RBFOX2: variants seen among roughly 807,000 people sequenced by gnomAD.
RBFOX2 encodes the protein RNA binding fox-1 homolog 2.
A neutral mutation model predicts 49.1 loss-of-function variants in RBFOX2; 10 were observed. The observed-to-expected ratio is 0.20, with a 90% CI of 0.13 to 0.35. The LOEUF is 0.35. Ranked by LOEUF, RBFOX2 falls within the 10% of genes least tolerant of loss-of-function variation. The pLI is 1.00. For synonymous variants in RBFOX2, 183 were observed against 187.4 expected, an observed-to-expected ratio of 0.98 and a Z score of 0.19; for missense variants, 323 against 486.9, an observed-to-expected ratio of 0.66 and a Z score of 3.17.
chr22:35,826,952 T>C (rs1436776953), intron 1 of RBFOX2, among the ~76,000 whole-genome samples: 2 of 152,206 alleles, frequency 1.3e-5, no homozygotes, highest in East Asian at 1.9e-4. Flanking sequence ...ATTGAAACCA[T>C]GAAAAGGGAC....
At chr22:35,813,510 C>T (rs1234602668) in intron 1 of RBFOX2, among the ~76,000 whole-genome samples, 1 of 152,154 alleles carries the variant, frequency 6.6e-6, no homozygotes, top group East Asian at 1.9e-4. Context: ...AGCTCTTTTC[C>T]CTAACCTAGC....
upstream of RBFOX2, among the ~76,000 whole-genome samples, chr22:35,966,024 C>T (rs1185881117): frequency 6.6e-6 from 1 of 152,082 alleles, no homozygotes; most frequent in East Asian, 1.9e-4. Flanking sequence ...ACTACAGAAG[C>T]CCATCCTGTG....
chr22:35,809,870 G>A lies in RBFOX2; in HGVS notation c.162C>T (p.Thr54=), dbSNP rs369936255. Residue 54 remains threonine, a synonymous_variant, in exon 2 of 12, where the codon ACC becomes ACT. Transcript: ENST00000405409. ...CGTAGAGTGTCAGGTTATGCTCACC[G>A]GTCTGGCCGGCATAGTCTTGAGTGT... 2.8e-5 allele frequency: 45 copies of A among 1,613,928 alleles called. No homozygotes were observed. The highest frequency in any genetic ancestry group is 9.3e-5 in the African/African-American group (7 of 74,890).
At chr22:35,761,115 T>C (rs533867642) in intron 8 of RBFOX2, 87 bp downstream of exon 9, 3 of 1,132,884 alleles carry the variant, frequency 2.6e-6, no homozygotes, top group African/African-American at 1.6e-5. Context: ...ATTTCAGTTA[T>C]GTACTGTACT....
chr22:36,027,548 G>A (rs1254239599), intron 1 of RBFOX2, among the ~76,000 whole-genome samples: 1 of 152,120 alleles, frequency 6.6e-6, no homozygotes, highest in Non-Finnish European at 1.5e-5. Flanking sequence ...ACATTAAAGA[G>A]CTATTTTGTG....
At chr22:35,934,130 A>G (rs960575676) in intron 1 of RBFOX2, among the ~76,000 whole-genome samples, 3 of 151,514 alleles carry the variant, frequency 2.0e-5, no homozygotes, top group Admixed American at 2.0e-4. Context: ...GTTTCACCCA[A>G]ATTGCTCTGA....
intron 1 of RBFOX2, among the ~76,000 whole-genome samples, chr22:35,891,621 G>A (rs1273790331): frequency 6.6e-6 from 1 of 152,174 alleles, no homozygotes; most frequent in African/African-American, 2.4e-5. Context: ...GAGAGGGCCT[G>A]GTGCCTGTCC....
intron 5 of RBFOX2, among the ~76,000 whole-genome samples, chr22:35,766,138 G>A (rs1189964894): frequency 6.6e-6 from 1 of 152,078 alleles, no homozygotes; most frequent in Non-Finnish European, 1.5e-5. Context: ...TTTGTTTTAT[G>A]GTACTCTCCA....
chr22:35,988,894 A>G (rs1319078409), intron 1 of RBFOX2, among the ~76,000 whole-genome samples: 1 of 152,238 alleles, frequency 6.6e-6, no homozygotes, highest in Non-Finnish European at 1.5e-5. Context: ...AATTTTGCAG[A>G]AATTCCAGAT....
chr22:35,744,992 T>TA lies in RBFOX2; in HGVS notation c.1050-744dup, dbSNP rs1300154686. 2.0e-5 allele frequency among the ~76,000 whole-genome samples: 3 copies of TA among 152,250 alleles called. No individual in the cohort carries two copies. In the East Asian group the frequency reaches 5.8e-4, roughly 29 times the overall value. On this transcript the variant is annotated intron_variant, in intron 11 of 11. Coordinates refer to ENST00000405409, the Ensembl canonical transcript of RBFOX2. ...GACGAAATACAACCTCAGGCACTTC[T>TA]ACCACTGCCGTTATATTGTAATGCT... is the stretch of plus-strand genomic sequence containing the variant.
rs550223025 is a variant in RBFOX2 at position 35,949,861 on chromosome 22, T to C, written c.43-10964A>G. On this transcript the variant is annotated intron_variant, in intron 1 of 5. Coordinates refer to the RBFOX2 transcript ENST00000408983. ...GCAAATACTTTCTTCCATTAGTTGG[T>C]TGCCTTTTCACTCTGTTAATAGCGT... is the stretch of plus-strand genomic sequence containing the variant. 5.1e-4 allele frequency among the ~76,000 whole-genome samples: 77 copies of C among 152,322 alleles called. 1 individual carries two copies. Among genetic ancestry groups the C allele is most frequent in the South Asian group, 3.7e-3 (18 of 4,828 alleles).
At chr22:35,815,398 T>C (rs984362979) in intron 1 of RBFOX2, among the ~76,000 whole-genome samples, 1 of 152,212 alleles carries the variant, frequency 6.6e-6, no homozygotes, top group African/African-American at 2.4e-5. Context: ...TGACCCAAAA[T>C]ATAATTGTCT....
Position 35,887,060 on chromosome 22 carries a change from T to C in RBFOX2, c.-34+51787A>G, listed in dbSNP as rs531543697. 3.9e-5 allele frequency among the ~76,000 whole-genome samples: 6 copies of C among 152,334 alleles called. 1 individual carries two copies. In the South Asian group the frequency reaches 1.2e-3, roughly 32 times the overall value. On this transcript the variant is annotated intron_variant, in intron 1 of 13. Coordinates refer to the RBFOX2 transcript ENST00000359369. ...TAAAATCTACTAAGTATTTACTTAC[T>C]TGGTTCCAAATTTAGTCCTTAATTT...
chr22:35,833,821 G>C (rs571540869), intron 1 of RBFOX2, among the ~76,000 whole-genome samples: 6 of 152,204 alleles, frequency 3.9e-5, no homozygotes, highest in Admixed American at 3.3e-4. Flanking sequence ...CTGCTGAGTG[G>C]AATAAATGCT....
At chr22:35,846,507 G>C (rs1462288965) in intron 1 of RBFOX2, among the ~76,000 whole-genome samples, 2 of 151,890 alleles carry the variant, frequency 1.3e-5, no homozygotes, top group East Asian at 3.9e-4. Context: ...CTGTAATTTG[G>C]GAGGCCGAGG....
chr22:35,766,614 G>C (rs1941047281), intron 5 of RBFOX2, among the ~76,000 whole-genome samples: 1 of 151,900 alleles, frequency 6.6e-6, no homozygotes, highest in Non-Finnish European at 1.5e-5. Flanking sequence ...CATTTAAAAA[G>C]AAAGAATGGG....
In RBFOX2 at chr22:35,755,377, T is replaced by A. The variant is rs1936549133; in HGVS notation, c.887+4511A>T. On this transcript the variant is annotated intron_variant, in intron 9 of 11. Coordinates refer to ENST00000405409, the Ensembl canonical transcript of RBFOX2. Reference sequence around the variant, plus strand: ...CCAATCATGGAACTTTAGTGATAGCTAGACAGTTTAAATAATGGAGTCCAT... The same window carrying A: ...CCAATCATGGAACTTTAGTGATAGCAAGACAGTTTAAATAATGGAGTCCAT... 2.0e-5 allele frequency among the ~76,000 whole-genome samples: 3 copies of A among 152,256 alleles called. No homozygotes were observed. In the South Asian group the frequency reaches 6.2e-4, roughly 32 times the overall value.
At chr22:35,949,559 T>C (rs528004199) in intron 1 of RBFOX2, among the ~76,000 whole-genome samples, 1 of 152,358 alleles carries the variant, frequency 6.6e-6, no homozygotes, top group South Asian at 2.1e-4. Flanking sequence ...TATTCTTACT[T>C]ACACTTGTTA....
rs558681478 is a variant in RBFOX2 at position 35,924,948 on chromosome 22, C to T, written c.-34+13899G>A. On this transcript the variant is annotated intron_variant, in intron 1 of 13. Coordinates refer to the RBFOX2 transcript ENST00000359369. ...CAGCACTCTGGGAAGCCGAGGTGGG[C>T]GGATCACTTGAGGTCAGGAGTTCAA... is the stretch of plus-strand genomic sequence containing the variant. Among the ~76,000 whole-genome samples the T allele has an allele frequency of 1.1e-3, 167 of 152,000 alleles. 1 individual carries two copies. Among genetic ancestry groups the T allele is most frequent in the African/African-American group, 3.9e-3 (160 of 41,476 alleles).
Sources: gnomAD v4.1 joint callset for allele counts (sites outside exome capture counted in the v4.1 genomes callset) on GRCh38, gnomAD v4.1.1 for gene constraint, MANE v1.5 for transcripts, NCBI Gene and HGNC (gene_info 2026-07-23, HGNC 2026-07-21) for gene names.